The following NCOA1 variants were observed in gnomAD, a reference collection of about 807,000 sequenced individuals.
NCOA1 encodes the protein Hin-2 protein.
NCOA1 carries 35 observed loss-of-function variants against 150.9 expected under a neutral mutation model. That is an observed-to-expected ratio of 0.23 (90% CI 0.18 to 0.31). The LOEUF is 0.31. Ranked by LOEUF, NCOA1 falls within the 10% of genes least tolerant of loss-of-function variation. The pLI, the probability that NCOA1 is intolerant of heterozygous loss-of-function variation, is 1.00. For missense variants in NCOA1, 1,491 were observed against 1,749.3 expected, an observed-to-expected ratio of 0.85 and a Z score of 2.63; for synonymous variants, 590 against 630.0, an observed-to-expected ratio of 0.94 and a Z score of 0.95.
intron 1 of NCOA1, among the ~76,000 whole-genome samples, chr2:24,508,057 G>A (rs1489631368): frequency 2.6e-5 from 4 of 152,106 alleles, no homozygotes; most frequent in Non-Finnish European, 4.4e-5. Flanking sequence ...ACAAGGAGGA[G>A]CTATAATTTT....
intron 3 of NCOA1, among the ~76,000 whole-genome samples, chr2:24,623,670 G>A (rs555805262): frequency 3.9e-5 from 6 of 152,230 alleles, no homozygotes; most frequent in East Asian, 1.9e-4. Context: ...TCACAGTTCC[G>A]GAAACTGAAA....
chr2:24,671,518 T>A (rs980543415), intron 6 of NCOA1, among the ~76,000 whole-genome samples: 1 of 152,096 alleles, frequency 6.6e-6, no homozygotes, highest in Non-Finnish European at 1.5e-5. Flanking sequence ...CAAGCAAAAT[T>A]TAAAAATAAG....
At chr2:24,503,733 GT>G (rs72387328) in intron 1 of NCOA1, among the ~76,000 whole-genome samples, 33,990 of 131,996 alleles carry the variant, frequency 0.26, 7,193 homozygotes, top group African/African-American at 0.61. Context: ...ACTTGTCTCT[GT>G]TTTTTTTTTT....
chr2:24,723,218 G>C (rs938394356), intron 14 of NCOA1, among the ~76,000 whole-genome samples: 5 of 152,028 alleles, frequency 3.3e-5, no homozygotes, highest in Non-Finnish European at 5.9e-5. Context: ...ATACACATTA[G>C]CTGTTCTGTA....
At chr2:24,516,687 C>T (rs946129208) in intron 1 of NCOA1, among the ~76,000 whole-genome samples, 1 of 151,230 alleles carries the variant, frequency 6.6e-6, no homozygotes, top group Non-Finnish European at 1.5e-5. Flanking sequence ...CAGTCTGATA[C>T]CTGACCCTTT....
intron 18 of NCOA1, among the ~76,000 whole-genome samples, chr2:24,740,184 C>T (rs1481680734): frequency 6.6e-6 from 1 of 152,058 alleles, no homozygotes; most frequent in African/African-American, 2.4e-5. Context: ...TACTCTTTTC[C>T]TCTCCACAAT....
chr2:24,681,710 C>CTT (rs1291429104), intron 7 of NCOA1, among the ~76,000 whole-genome samples: 72 of 142,016 alleles, frequency 5.1e-4, no homozygotes, highest in East Asian at 2.0e-3. Context: ...GTACCCTGGC[C>CTT]TTTTTTTTTT....
chr2:24,534,386 A>T (rs1222353590), intron 1 of NCOA1, among the ~76,000 whole-genome samples: 1 of 150,442 alleles, frequency 6.6e-6, no homozygotes, highest in Admixed American at 6.6e-5. Flanking sequence ...TGATCTTTTC[A>T]GAAAACCAGC....
Position 24,532,381 on chromosome 2 carries a change from A to G in NCOA1, c.-395-31914A>G, listed in dbSNP as rs548914348. Among the ~76,000 whole-genome samples, 8 of 151,954 alleles carry G rather than the reference A, an allele frequency of 5.3e-5. No individual in the cohort carries two copies. The South Asian group carries it at 1.5e-3, about 28-fold the overall frequency. The stretch of plus-strand genomic sequence containing the variant: ...TTTGTCAGATGGGTATATTGCAAAA[A>G]TTTTCTTCCATTCTGTAGGTTGCCT... On this transcript the variant is annotated intron_variant, in intron 1 of 22. Coordinates refer to ENST00000348332, the MANE Select transcript of NCOA1 (RefSeq NM_003743.5).
At chr2:24,576,188 T>TTTTG (rs1558806710) in intron 2 of NCOA1, among the ~76,000 whole-genome samples, 4 of 97,390 alleles carry the variant, frequency 4.1e-5, no homozygotes, top group Admixed American at 1.3e-4. Flanking sequence ...TTTTTTTTTT[T>TTTTG]TTTGTTTGCT....
chr2:24,731,091 G>C (rs1454137294), intron 17 of NCOA1, among the ~76,000 whole-genome samples: 1 of 150,604 alleles, frequency 6.6e-6, no homozygotes, highest in Admixed American at 6.6e-5. Context: ...GCTGTAGATT[G>C]TTGCTGCTTG....
intron 14 of NCOA1, 66 bp from the exon 15 acceptor site, chr2:24,726,523 T>G: frequency 1.0e-6 from 1 of 965,578 alleles, no homozygotes; most frequent in Non-Finnish European, 1.6e-6. Flanking sequence ...ATATATTATT[T>G]TTGAAAATAC....
At chr2:24,579,570 C>T (rs903460032) in intron 2 of NCOA1, among the ~76,000 whole-genome samples, 3 of 152,114 alleles carry the variant, frequency 2.0e-5, no homozygotes, top group Admixed American at 6.6e-5. Context: ...GCTTGAGTGG[C>T]GAAGACAGTC....
intron 1 of NCOA1, among the ~76,000 whole-genome samples, chr2:24,537,877 C>CT (rs751165619): frequency 4.3e-4 from 65 of 151,916 alleles, no homozygotes; most frequent in Admixed American, 2.3e-3. Context: ...AAAAAGAAAA[C>CT]TAACATAGTG....
chr2:24,597,268 C>T lies in NCOA1; in HGVS notation c.-175+12708C>T, dbSNP rs56220756. Among the ~76,000 whole-genome samples, 617 of 152,244 alleles carry T rather than the reference C, an allele frequency of 4.1e-3. 7 individuals carry two copies. The highest frequency in any genetic ancestry group is 0.014 in the African/African-American group (595 of 41,512). ...TTACCTCTTATCTCAACTAAATCTC[C>T]CTCAAATCCTTGAGAACAGAGACAT... On this transcript the variant is annotated intron_variant, in intron 3 of 22. Coordinates refer to ENST00000348332, the MANE Select transcript of NCOA1 (RefSeq NM_003743.5).
At chr2:24,715,412 A>G (rs1673975423) in intron 14 of NCOA1, among the ~76,000 whole-genome samples, 2 of 152,230 alleles carry the variant, frequency 1.3e-5, no homozygotes, top group African/African-American at 4.8e-5. Flanking sequence ...TCTACAAAAT[A>G]GTATAATATT....
At chr2:24,514,772 C>T (rs752674760) in intron 1 of NCOA1, among the ~76,000 whole-genome samples, 1 of 150,456 alleles carries the variant, frequency 6.6e-6, no homozygotes, top group Non-Finnish European at 1.5e-5. Flanking sequence ...GGCAGAGTGT[C>T]TCAAAAAAAA....
chr2:24,530,435 T>C (rs957522727), intron 1 of NCOA1, among the ~76,000 whole-genome samples: 2 of 152,214 alleles, frequency 1.3e-5, no homozygotes, highest in East Asian at 1.9e-4. Context: ...TGCAGTAATA[T>C]GGTTCTGGGT....
chr2:24,568,173 G>A (rs1572429001), intron 2 of NCOA1, among the ~76,000 whole-genome samples: 2 of 152,156 alleles, frequency 1.3e-5, no homozygotes, highest in Non-Finnish European at 2.9e-5. Flanking sequence ...GTGCTTGGAA[G>A]AGTTTTACAT....
Sources: gnomAD v4.1 joint callset for allele counts (sites outside exome capture counted in the v4.1 genomes callset) on GRCh38, gnomAD v4.1.1 for gene constraint, MANE v1.5 for transcripts, NCBI Gene and HGNC (gene_info 2026-07-23, HGNC 2026-07-21) for gene names.